The following NANOG variants were observed in gnomAD, a reference collection of about 807,000 sequenced individuals.
NANOG encodes the protein Nanog homeobox.
Under a neutral mutation model 17.7 loss-of-function variants are expected in NANOG, and 2 were observed. The ratio of observed to expected loss-of-function variants is 0.11; its 90% CI spans 0.05 to 0.36. The LOEUF (loss-of-function observed/expected upper bound fraction) is 0.36, where lower values mean the gene tolerates loss of function less well. Ranked by LOEUF, NANOG falls within the 10% of genes least tolerant of loss-of-function variation. The pLI, the probability that NANOG is intolerant of heterozygous loss-of-function variation, is 1.00. For missense variants in NANOG, 174 were observed against 362.1 expected (o/e 0.48, Z 4.22); for synonymous variants, 81 against 124.7 (o/e 0.65, Z 2.33).
intron 2 of NANOG, 143 bp from the exon 3 acceptor site, chr12:7,794,314 C>A: frequency 2.8e-6 from 2 of 716,376 alleles, no homozygotes; most frequent in Non-Finnish European, 4.7e-6. Context: ...CTCAAGCAAT[C>A]TGCCCGCCTT....
Position 7,792,671 on chromosome 12 carries a change from A to T in NANOG, c.152-279A>T, listed in dbSNP as rs750661422. ...AAGAGTGAACCTCCATCCTAATTTT[A>T]AAAAAAAGGGGTAGCGCCGCTCAGC... is the stretch of plus-strand genomic sequence containing the variant. On this transcript the variant is annotated intron_variant, in intron 1 of 3. Transcript: ENST00000229307. Among the ~76,000 whole-genome samples, 334 of 151,806 alleles carry T rather than the reference A, an allele frequency of 2.2e-3. 3 individuals are homozygous for T. Among genetic ancestry groups the T allele is most frequent in the African/African-American group, 6.1e-3 (251 of 41,422 alleles).
chr12:7,789,746 G>A lies in NANOG; in HGVS notation c.132G>A (p.Glu44=). The A allele has an allele frequency of 1.2e-6, 2 of 1,613,904 alleles. No individual in the cohort carries two copies. The highest frequency in any genetic ancestry group is 2.2e-5 in the South Asian group (2 of 91,082). Residue 44 remains glutamate, a synonymous_variant, in exon 1 of 4, where the codon GAG becomes GAA. Transcript: ENST00000229307. ...NYPSLQMSSA[E]MPHTETVSPL... is the part of the protein sequence containing the mutation. ...CATCCTTGCAAATGTCTTCTGCTGA[G>A]ATGCCTCACACGGAGACTGGTAAGA... is the stretch of plus-strand genomic sequence containing the variant.
At position 7,797,215 on chromosome 12, in the gene NANOG, C is replaced by T. The variant is rs12816895; in HGVS notation, c.*2120C>T. The T allele has an allele frequency of 0.66, 100,671 of 151,506 alleles. 35,798 individuals carry two copies. Among genetic ancestry groups the T allele is most frequent in the Non-Finnish European group, 0.8 (54,088 of 67,914 alleles). 9.4% of individuals were successfully genotyped at this position (151,506 alleles called of 1,614,324 possible). Reference sequence around the variant, plus strand: ...GATTACAGGCACCCAACATTACACCCGGCTAATTTTTGGTATTTTTAGTAG... The same window carrying T: ...GATTACAGGCACCCAACATTACACCTGGCTAATTTTTGGTATTTTTAGTAG... On this transcript the variant is annotated 3_prime_UTR_variant, in exon 4 of 4. Coordinates refer to ENST00000229307, the MANE Select transcript of NANOG (RefSeq NM_024865.4).
intron 1 of NANOG, 63 bp downstream of exon 1, chr12:7,789,828 G>A: frequency 6.6e-7 from 1 of 1,516,970 alleles, no homozygotes; most frequent in Non-Finnish European, 9.1e-7. Context: ...AAGGAGAGAG[G>A]GTTAAGGGAT....
intron 1 of NANOG, 70 bp from the exon 2 acceptor site, chr12:7,792,878 CAA>C: frequency 6.9e-7 from 1 of 1,455,444 alleles, no homozygotes; most frequent in African/African-American, 1.4e-5. Context: ...ACTTTGAAAA[CAA>C]TTTTTTTAAA....
At position 7,793,222 on chromosome 12, in the gene NANOG, T is replaced by A; in HGVS notation, c.414+10T>A. The A allele has an allele frequency of 6.2e-7, 1 of 1,613,618 alleles. No individual in the cohort carries two copies. Among genetic ancestry groups the A allele is most frequent in the Non-Finnish European group, 8.5e-7 (1 of 1,179,718 alleles). On this transcript the variant is annotated intron_variant, in intron 2 of 3. Transcript: ENST00000229307. ...CCTCAGCTACAAACAGGTAGGCTTG[T>A]TTTGTCCTTGGAATAAGGTGAACAA...
rs912865130 is a variant in NANOG at position 7,796,578 on chromosome 12, T to C, written c.*1483T>C. 3 of 152,302 alleles carry C rather than the reference T, an allele frequency of 2.0e-5. No individual in the cohort carries two copies. Among genetic ancestry groups the C allele is most frequent in the African/African-American group, 7.2e-5 (3 of 41,576 alleles). 9.4% of individuals were successfully genotyped at this position (152,302 alleles called of 1,614,324 possible). On this transcript the variant is annotated 3_prime_UTR_variant, in exon 4 of 4. Transcript: ENST00000229307. ...CATCTGTGAATTATACTAATAATCC[T>C]TTACTGTCCTTTTCCCATCTTGTGC...
rs1350154108 is a variant in NANOG at position 7,798,366 on chromosome 12, C to G, written c.*3271C>G. ...AGCCTGGGCGACAGAGCGTCACTGT[C>G]TCAAAAATAAACAAAAATAATAGGA... On this transcript the variant is annotated 3_prime_UTR_variant, in exon 4 of 4. Transcript: ENST00000229307. The G allele has an allele frequency of 1.3e-5, 2 of 152,144 alleles. No individual in the cohort carries two copies. The highest frequency in any genetic ancestry group is 2.9e-5 in the Non-Finnish European group (2 of 68,036). The allele number at this position is 152,144 out of a possible 1,614,324, so 9.4% of individuals were successfully genotyped here.
In NANOG at chr12:7,797,431, C is replaced by A. The variant is rs143196818; in HGVS notation, c.*2336C>A. 1 of 147,212 alleles carries A rather than the reference C, an allele frequency of 6.8e-6. No individual in the cohort carries two copies. Among genetic ancestry groups the A allele is most frequent in the East Asian group, 2.0e-4 (1 of 4,940 alleles). The allele number at this position is 147,212 out of a possible 1,614,324, so 9.1% of individuals were successfully genotyped here. On this transcript the variant is annotated 3_prime_UTR_variant, in exon 4 of 4. Transcript: ENST00000229307. ...GGAGCACAATGATGCAATCTCTACT[C>A]ACTGCAACCTGCACCTCCCAGGTTC...
rs773769124 is a variant in NANOG, at chr12:7,793,129, A to C, written c.331A>C (p.Asn111His). The change falls in exon 2 of 4, where the codon AAT becomes CAT. Residue 111 changes from asparagine (N) to histidine (H), a missense_variant. Physicochemically the swap from Asn to His is moderately conservative, Grantham distance 68. Transcript: ENST00000229307. ...VFSSTQLCVL[N>H]DRFQRQKYLS... Reference sequence around the variant, plus strand: ...CTCTTCCACCCAGCTGTGTGTACTCAATGATAGATTTCAGAGACAGAAATA... The same window carrying C: ...CTCTTCCACCCAGCTGTGTGTACTCCATGATAGATTTCAGAGACAGAAATA... The C allele has an allele frequency of 6.2e-7, 1 of 1,608,786 alleles. No homozygotes were observed. Among genetic ancestry groups the C allele is most frequent in the Non-Finnish European group, 8.5e-7 (1 of 1,175,196 alleles).
At chr12:7,791,069 T>C (rs1284720224) in intron 1 of NANOG, among the ~76,000 whole-genome samples, 2 of 151,796 alleles carry the variant, frequency 1.3e-5, no homozygotes, top group Non-Finnish European at 2.9e-5. Context: ...TTCTAAACTA[T>C]GCATTAATGT....
In NANOG at chr12:7,789,539, G is replaced by A; in HGVS notation, c.-76G>A. The A allele has an allele frequency of 7.4e-7, 1 of 1,347,734 alleles. No individual in the cohort carries two copies. The highest frequency in any genetic ancestry group is 1.0e-6 in the Non-Finnish European group (1 of 956,034). The allele number at this position is 1,347,734 out of a possible 1,614,324, so 83.5% of individuals were successfully genotyped here. On this transcript the variant is annotated 5_prime_UTR_variant, in exon 1 of 4. Coordinates refer to ENST00000229307, the MANE Select transcript of NANOG (RefSeq NM_024865.4). ...GGTCCTATTTCTCTAACATCTTCCA[G>A]AAAAGTCTTAAAGCTGCCTTAACCT... is the stretch of plus-strand genomic sequence containing the variant.
chr12:7,795,854 GT>G lies in NANOG; in HGVS notation c.*764del, dbSNP rs1862923625. The G allele has an allele frequency of 6.9e-6, 1 of 145,752 alleles. No homozygotes were observed. Among genetic ancestry groups the G allele is most frequent in the Non-Finnish European group, 1.5e-5 (1 of 66,858 alleles). The allele number at this position is 145,752 out of a possible 1,614,324, so 9.0% of individuals were successfully genotyped here. ...TAACATACTTAATTGATTTCTTACC[GT>G]TTTTGGCTCTGTTTTGCTATATCCC... On this transcript the variant is annotated 3_prime_UTR_variant, in exon 4 of 4. Transcript: ENST00000229307.
Position 7,789,477 on chromosome 12 carries a change from C to T in NANOG, c.-138C>T. 1.4e-6 allele frequency: 1 copy of T among 697,400 alleles called. No homozygotes were observed. The highest frequency in any genetic ancestry group is 2.7e-5 in the East Asian group (1 of 37,080). The allele number at this position is 697,400 out of a possible 1,614,324, so 43.2% of individuals were successfully genotyped here. On this transcript the variant is annotated 5_prime_UTR_variant, in exon 1 of 4. Transcript: ENST00000229307. ...GCCTCATGTTATTATGCAGGCAACT[C>T]ACTTTATCCCAATTTCTTGATACTT...
In NANOG at chr12:7,790,907, T is replaced by G. The variant is rs1862831638; in HGVS notation, c.151+1142T>G. Among the ~76,000 whole-genome samples the G allele has an allele frequency of 2.0e-5, 3 of 151,988 alleles. No homozygotes were observed. In the South Asian group the frequency reaches 6.2e-4, roughly 32 times the overall value. On this transcript the variant is annotated intron_variant, in intron 1 of 3. Coordinates refer to ENST00000229307, the MANE Select transcript of NANOG (RefSeq NM_024865.4). ...AGAGGCGTGTGTCACTATGCCCAGCTAATTAAAAAATTATTTTTGTAGAGA... is the reference window on the plus strand; with the variant it reads ...AGAGGCGTGTGTCACTATGCCCAGCGAATTAAAAAATTATTTTTGTAGAGA...
rs35626012 is a variant in NANOG at position 7,797,357 on chromosome 12, A to AT, written c.*2279dup. On this transcript the variant is annotated 3_prime_UTR_variant, in exon 4 of 4. Coordinates refer to ENST00000229307, the MANE Select transcript of NANOG (RefSeq NM_024865.4). ...AGGTGTGAGCCACCGTGTCTGGGCA[A>AT]TTTTTTTTTTTTTTTTTGAGATGGA... is the stretch of plus-strand genomic sequence containing the variant. 0.29 allele frequency: 36,418 copies of AT among 126,152 alleles called. 6,474 individuals carry two copies. Among genetic ancestry groups the AT allele is most frequent in the East Asian group, 0.61 (2,611 of 4,254 alleles). The allele number at this position is 126,152 out of a possible 1,614,324, so 7.8% of individuals were successfully genotyped here. A position where few individuals can be genotyped will look rare whatever the true frequency, so the allele number is the denominator to read the frequency against.
Position 7,793,164 on chromosome 12 carries a change from C to G in NANOG, c.366C>G (p.Leu122=). The G allele has an allele frequency of 4.3e-6, 7 of 1,613,244 alleles. No homozygotes were observed. Among genetic ancestry groups the G allele is most frequent in the Non-Finnish European group, 5.9e-6 (7 of 1,179,662 alleles). The change falls in exon 2 of 4, where the codon CTC becomes CTG. Residue 122 remains leucine, a synonymous_variant. Transcript: ENST00000229307. ...DRFQRQKYLS[L]QQMQELSNIL... is the part of the protein sequence containing the mutation. Reference sequence around the variant, plus strand: ...TTCAGAGACAGAAATACCTCAGCCTCCAGCAGATGCAAGAACTCTCCAACA... The same window carrying G: ...TTCAGAGACAGAAATACCTCAGCCTGCAGCAGATGCAAGAACTCTCCAACA...
chr12:7,789,791 G>A (rs1455762770), intron 1 of NANOG, 26 bp downstream of exon 1: 3 of 1,608,894 alleles, frequency 1.9e-6, no homozygotes. Context: ...ATCCTTGAAA[G>A]GCCAAGTTCC....
intron 1 of NANOG, among the ~76,000 whole-genome samples, chr12:7,792,106 G>A (rs749383893): frequency 6.6e-6 from 1 of 152,236 alleles, no homozygotes; most frequent in South Asian, 2.1e-4. Flanking sequence ...ATGTTGGCAC[G>A]CTGGTTTTGA....
Sources: allele counts gnomAD v4.1 joint callset (sites outside exome capture counted in the v4.1 genomes callset), GRCh38; gene constraint gnomAD v4.1.1; transcripts MANE v1.5; gene names NCBI Gene and HGNC (gene_info 2026-07-23, HGNC 2026-07-21).